GAS6: variants seen among roughly 807,000 people sequenced by gnomAD.
GAS6 encodes growth arrest specific 6, also known as growth arrest-specific protein 6.
In GAS6, 41 loss-of-function variants were observed where a neutral mutation model predicts 75.8. That is an observed-to-expected ratio of 0.54 (90% CI 0.42 to 0.70). GAS6 has a LOEUF of 0.70. Ranked by LOEUF, GAS6 falls within the 30% of genes least tolerant of loss-of-function variation. The pLI is 0.00. For missense variants in GAS6, 854 were observed against 940.2 expected, an observed-to-expected ratio of 0.91 and a Z score of 1.20; for synonymous variants, 432 against 412.6, an observed-to-expected ratio of 1.05 and a Z score of -0.57.
intron 2 of GAS6, among the ~76,000 whole-genome samples, chr13:113,857,835 C>T (rs552065986): frequency 1.3e-5 from 2 of 152,374 alleles, no homozygotes; most frequent in Non-Finnish European, 2.9e-5. Context: ...GCCTGGCACT[C>T]GGCTGCCTCT....
In GAS6 at chr13:113,834,608, G is replaced by C. The variant is rs140496234; in HGVS notation, c.777C>G (p.Thr259=). ...GGCCCCCACGCCCGTCACAGTGGCA[G>C]GTGTAGCTCCCTGGGGAGTTCACGC... ...QVCVNSPGSY[T]CHCDGRGGLK... The change falls in exon 8 of 15, where the codon ACC becomes ACG. Residue 259 remains threonine, a synonymous_variant. Transcript: ENST00000327773. 7 of 1,603,524 alleles carry C rather than the reference G, an allele frequency of 4.4e-6. No homozygotes were observed. Among genetic ancestry groups the C allele is most frequent in the Non-Finnish European group, 6.0e-6 (7 of 1,176,158 alleles).
chr13:113,853,127 C>T (rs372479819), intron 2 of GAS6, among the ~76,000 whole-genome samples: 23 of 152,212 alleles, frequency 1.5e-4, no homozygotes, highest in East Asian at 5.8e-4. Context: ...AACCTCCATG[C>T]GGTGATGGCA....
rs376994871 is a variant in GAS6 at position 113,823,355 on chromosome 13, C to T, written c.1653+20G>A. ...CGTGGGTCGAGCCGGTCAGGACGCC[C>T]TGGGTGGCGGAGGCCCTACCTGCTT... On this transcript the variant is annotated intron_variant, in intron 13 of 14. Transcript: ENST00000327773. The T allele has an allele frequency of 6.9e-6, 11 of 1,597,824 alleles. No individual in the cohort carries two copies. The African/African-American group carries it at 1.5e-4, about 21-fold the overall frequency.
In GAS6 at chr13:113,837,121, G is replaced by C. The variant is rs1215861667; in HGVS notation, c.589+948C>G. Among the ~76,000 whole-genome samples the C allele has an allele frequency of 6.6e-6, 1 of 151,924 alleles. No homozygotes were observed. The highest frequency in any genetic ancestry group is 1.5e-5 in the Non-Finnish European group (1 of 67,966). On this transcript the variant is annotated intron_variant, in intron 6 of 14. Coordinates refer to ENST00000327773, the MANE Select transcript of GAS6 (RefSeq NM_000820.4). The surrounding 1 kb of genome is among the most constrained non-coding windows in gnomAD (Gnocchi z 5.1). Reference sequence around the variant, plus strand: ...GCTGCTGTCTTCCAGGTCAGGGATAGAGCAGTGATGGGAGGGGCTCTGTCC... The same window carrying C: ...GCTGCTGTCTTCCAGGTCAGGGATACAGCAGTGATGGGAGGGGCTCTGTCC...
chr13:113,828,120 C>A (rs1002789138), intron 11 of GAS6, among the ~76,000 whole-genome samples: 1 of 152,036 alleles, frequency 6.6e-6, no homozygotes, highest in Non-Finnish European at 1.5e-5. Context: ...AAAAATTAGC[C>A]GGACGTGGTG....
chr13:113,829,454 TCTCAATCTCAGGGAGA>T (rs2051601057), intron 10 of GAS6, among the ~76,000 whole-genome samples: 3 of 105,026 alleles, frequency 2.9e-5, no homozygotes, highest in East Asian at 3.0e-4. Context: ...GCCAAGAGGG[TCTCAATCTCAGGGAGA>T]CCACATGATC....
intron 4 of GAS6, chr13:113,841,335 A>T (rs558696215): frequency 6.5e-6 from 1 of 152,876 alleles, no homozygotes; most frequent in Non-Finnish European, 1.5e-5. Context: ...GGCCCTGGCT[A>T]CGAGTCCCAG....
rs201199865 is a variant in GAS6, at chr13:113,839,831, C to T, written c.363G>A (p.Thr121=). 153 of 1,613,916 alleles carry T rather than the reference C, an allele frequency of 9.5e-5. 1 individual carries two copies. The East Asian group carries it at 3.1e-3, about 33-fold the overall frequency. Residue 121 remains threonine (T), a synonymous_variant, in exon 5 of 15, where the codon ACG becomes ACA. Coordinates refer to ENST00000327773, the MANE Select transcript of GAS6 (RefSeq NM_000820.4). ...TCVQNLPDQC[T]PNPCDRKGTQ... ...TCCCCTTCCTATCGCAGGGGTTGGG[C>T]GTGCACTGGTCAGGCAGGTCTGATT...
In GAS6 at chr13:113,846,543, G is replaced by C; in HGVS notation, c.327C>G (p.Phe109Leu). Residue 109 changes from phenylalanine (F) to leucine (L), a missense_variant, in exon 4 of 15, where the codon TTC becomes TTG. Coordinates refer to ENST00000327773, the MANE Select transcript of GAS6 (RefSeq NM_000820.4). ...YGSPYTKNSG[F>L]ATCVQNLPDQ... Reference sequence around the variant, plus strand: ...CCGACTTACTTTGCACGCAGGTGGCGAAGCCTGAGTTTTTGGTGTACGGAG... The same window carrying C: ...CCGACTTACTTTGCACGCAGGTGGCCAAGCCTGAGTTTTTGGTGTACGGAG... 6.2e-7 allele frequency: 1 copy of C among 1,614,054 alleles called. No individual in the cohort carries two copies. Among genetic ancestry groups the C allele is most frequent in the Non-Finnish European group, 8.5e-7 (1 of 1,179,996 alleles).
intron 5 of GAS6, among the ~76,000 whole-genome samples, chr13:113,838,588 T>C (rs1594200885): frequency 1.3e-5 from 1 of 79,736 alleles, no homozygotes. Context: ...ACCCCGGGGG[T>C]GCACAGCCCA....
intron 7 of GAS6, among the ~76,000 whole-genome samples, 156 bp downstream of exon 7, chr13:113,835,357 T>C (rs1255220344): frequency 6.6e-6 from 1 of 151,606 alleles, no homozygotes; most frequent in Non-Finnish European, 1.5e-5. Context: ...GGCATGGTGG[T>C]AGCACAGGCC....
chr13:113,861,224 C>G (rs1219449186), intron 2 of GAS6, among the ~76,000 whole-genome samples: 1 of 152,192 alleles, frequency 6.6e-6, no homozygotes, highest in African/African-American at 2.4e-5. Context: ...CTCGTAGGAG[C>G]CTGCCCAGGG....
At position 113,863,567 on chromosome 13, in the gene GAS6, C is replaced by A; in HGVS notation, c.255+8G>T. 1 of 1,505,020 alleles carries A rather than the reference C, an allele frequency of 6.6e-7. No homozygotes were observed. The highest frequency in any genetic ancestry group is 1.2e-5 in the South Asian group (1 of 81,236). The allele number at this position is 1,505,020 out of a possible 1,614,324, so 93.2% of individuals were successfully genotyped here. On this transcript the variant is annotated splice_region_variant and intron_variant, in intron 2 of 14. Transcript: ENST00000327773. The surrounding 1 kb of genome is among the most constrained non-coding windows in gnomAD (Gnocchi z 9.4). ...GGTTCCCCCGCATCCCGCCCGCCGG[C>A]TGCTCACCGTCTCGGGGTCGTTCTC...
At chr13:113,846,458 ACCACAGCCAAGCCTAAAGCCGCCCAAAC>A (rs1288736374) in intron 4 of GAS6, 41 bp downstream of exon 4, 2 of 1,406,732 alleles carry the variant, frequency 1.4e-6, no homozygotes, top group African/African-American at 2.8e-5. Context: ...CCCTCCACAA[ACCACAGCCAAGCCTAAAGCCGCCCAAAC>A]CCACAGTGCT....
intron 5 of GAS6, among the ~76,000 whole-genome samples, chr13:113,838,478 C>G (rs1329709884): frequency 7.4e-6 from 1 of 135,428 alleles, no homozygotes; most frequent in Non-Finnish European, 1.6e-5. Flanking sequence ...ACAGCCCAGC[C>G]CCGGAGCAGG....
At chr13:113,851,250 A>C (rs2051871933) in intron 2 of GAS6, among the ~76,000 whole-genome samples, 1 of 150,330 alleles carries the variant, frequency 6.7e-6, no homozygotes, top group East Asian at 1.9e-4. Flanking sequence ...TAAAACAATG[A>C]GTGAATAGAT....
At chr13:113,824,607 C>T (rs1314514757) in intron 12 of GAS6, among the ~76,000 whole-genome samples, 1 of 152,132 alleles carries the variant, frequency 6.6e-6, no homozygotes, top group Non-Finnish European at 1.5e-5. Context: ...GAAAAAGGAC[C>T]CCAAATCACT....
rs1446855630 is a variant in GAS6, at chr13:113,864,029, C to T, written c.-109G>A. The T allele has an allele frequency of 1.0e-6, 1 of 1,003,476 alleles. No individual in the cohort carries two copies. The allele number at this position is 1,003,476 out of a possible 1,614,324, so 62.2% of individuals were successfully genotyped here. ...GTCCTGGCGGCCCTGAAGGTCACAT[C>T]GCGGCGGCGGCGGCGGCGGCGGCTG... On this transcript the variant is annotated 5_prime_UTR_variant, in exon 1 of 15. Transcript: ENST00000327773.
chr13:113,824,387 C>G (rs961223718), intron 12 of GAS6, among the ~76,000 whole-genome samples: 4 of 122,696 alleles, frequency 3.3e-5, no homozygotes, highest in Admixed American at 8.5e-5. Flanking sequence ...GGAGCACGCG[C>G]GGTCTGGGGT....
Sources: allele counts gnomAD v4.1 joint callset (sites outside exome capture counted in the v4.1 genomes callset), GRCh38; gene constraint gnomAD v4.1.1; non-coding constraint Gnocchi (gnomAD v3.1); transcripts MANE v1.5; gene names NCBI Gene and HGNC (gene_info 2026-07-23, HGNC 2026-07-21).